The following DNAH10 variants were observed in gnomAD, a reference collection of about 807,000 sequenced individuals.
DNAH10 encodes axonemal beta dynein heavy chain 10.
DNAH10 carries 348 observed loss-of-function variants against 506.6 expected under a neutral mutation model. The ratio of observed to expected loss-of-function variants is 0.69; its 90% confidence interval spans 0.63 to 0.75. The LOEUF (loss-of-function observed/expected upper bound fraction) is 0.75. DNAH10 is among the 30% of genes least tolerant of loss of function. The pLI, the probability that DNAH10 is intolerant of heterozygous loss-of-function variation, is 0.00. For synonymous variants in DNAH10, 2,059 were observed against 2,198.6 expected (o/e 0.94, Z 1.78); for missense variants, 5,179 against 5,787.1 (o/e 0.89, Z 3.41).
In DNAH10 at chr12:123,801,319, A is replaced by G. The variant is rs751716141; in HGVS notation, c.2501A>G (p.His834Arg). The G allele has an allele frequency of 6.2e-7, 1 of 1,614,162 alleles. No individual in the cohort carries two copies. The highest frequency in any genetic ancestry group is 8.5e-7 in the Non-Finnish European group (1 of 1,180,026). Residue 834 changes from histidine to arginine, a missense_variant, in exon 16 of 79, where the codon CAC (histidine) becomes CGC (arginine). By Grantham distance (29) the His-to-Arg change is conservative (BLOSUM62 0). This residue lies in a region of DNAH10 where 4,844 missense variants were observed against 5,430.5 expected (regional missense o/e 0.89). Transcript: ENST00000673944. The stretch of plus-strand genomic sequence containing the variant: ...ATACAGCGCATGTTGGATCATTATC[A>G]CATGCTCATAGGAACGTTAAACGAT... ...AGIQRMLDHY[H>R]MLIGTLNDAE...
At position 123,808,972 on chromosome 12, in the gene DNAH10, G is replaced by C; in HGVS notation, c.3144+19G>C. On this transcript the variant is annotated intron_variant, in intron 19 of 78. Transcript: ENST00000673944. The stretch of plus-strand genomic sequence containing the variant: ...CACCAAGGTGAGAGCGGAGGTGCTT[G>C]TGTCCTTGCTCAGACGGCATCTCAG... 6.2e-7 allele frequency: 1 copy of C among 1,613,590 alleles called. No individual in the cohort carries two copies. Among genetic ancestry groups the C allele is most frequent in the Non-Finnish European group, 8.5e-7 (1 of 1,179,752 alleles).
intron 43 of DNAH10, among the ~76,000 whole-genome samples, chr12:123,869,975 C>T (rs1951963494): frequency 6.6e-6 from 1 of 152,222 alleles, no homozygotes; most frequent in African/African-American, 2.4e-5. Flanking sequence ...CCACTTCTTG[C>T]CTGTATCTGT....
intron 35 of DNAH10, among the ~76,000 whole-genome samples, chr12:123,852,989 A>G (rs1223531126): frequency 6.6e-6 from 1 of 152,188 alleles, no homozygotes; most frequent in Admixed American, 6.5e-5. Context: ...TTTTGGTAAC[A>G]CAGATGTTTC....
chr12:123,854,068 G>GTT (rs1951292584), intron 36 of DNAH10, among the ~76,000 whole-genome samples: 3 of 109,528 alleles, frequency 2.7e-5, no homozygotes, highest in South Asian at 3.0e-4. Context: ...CACACATTTG[G>GTT]GTTTTTTTTT....
intron 25 of DNAH10, among the ~76,000 whole-genome samples, chr12:123,827,213 C>T (rs746321876): frequency 7.2e-5 from 11 of 152,076 alleles, no homozygotes; most frequent in Admixed American, 1.3e-4. Context: ...AGACATCAAA[C>T]GGAACTCACA....
At chr12:123,886,517 G>A in intron 51 of DNAH10, among the ~76,000 whole-genome samples, 1 of 152,184 alleles carries the variant, frequency 6.6e-6, no homozygotes, top group Non-Finnish European at 1.5e-5. Context: ...GTGTGAGCAT[G>A]TGTTCTAGTG....
At chr12:123,862,013 A>G (rs764721993) in intron 39 of DNAH10, among the ~76,000 whole-genome samples, 6 of 152,050 alleles carry the variant, frequency 3.9e-5, no homozygotes, top group Non-Finnish European at 7.4e-5. Flanking sequence ...CGTTTTAGAG[A>G]ATGGTCTCGG....
At position 123,848,001 on chromosome 12, in the gene DNAH10, C is replaced by T; in HGVS notation, c.5855C>T (p.Ala1952Val). 2 of 1,613,874 alleles carry T rather than the reference C, an allele frequency of 1.2e-6. No individual in the cohort carries two copies. The highest frequency in any genetic ancestry group is 1.1e-5 in the South Asian group (1 of 91,076). Residue 1952 changes from alanine (A) to valine (V), a missense_variant, in exon 33 of 79, where the codon GCA becomes GTA. Around this residue, in one of 3 missense-constraint regions of DNAH10, gnomAD observed 4,844 missense variants for 5,430.5 expected, o/e 0.89. Transcript: ENST00000673944. Reference sequence around the variant, plus strand: ...CTAGGTGGGGCCCCCGCCGGCCCAGCAGGAACCGGCAAAACCGAGACCACC... The same window carrying T: ...CTAGGTGGGGCCCCCGCCGGCCCAGTAGGAACCGGCAAAACCGAGACCACC... ...MYLGGAPAGP[A>V]GTGKTETTKD...
chr12:123,809,823 C>A (rs111233055), intron 19 of DNAH10, among the ~76,000 whole-genome samples: 2 of 152,254 alleles, frequency 1.3e-5, no homozygotes, highest in Middle Eastern at 3.4e-3. Context: ...CTCAGTCCTA[C>A]GAGGATCATG....
In DNAH10 at chr12:123,909,128, C is replaced by T. The variant is rs1454254699; in HGVS notation, c.9816-133C>T. 2.4e-6 allele frequency: 3 copies of T among 1,239,186 alleles called. No homozygotes were observed. The African/African-American group carries it at 4.6e-5, about 19-fold the overall frequency. The allele number at this position is 1,239,186 out of a possible 1,614,324, so 76.8% of individuals were successfully genotyped here. A position where few individuals can be genotyped will look rare whatever the true frequency, so the allele number is the denominator to read the frequency against. On this transcript the variant is annotated intron_variant, in intron 57 of 78. Transcript: ENST00000673944. The surrounding 1 kb of genome is among the most constrained non-coding windows in gnomAD (Gnocchi z 5.4). ...GAGTGCGGTTTGTGTTGGGACCTGG[C>T]TTCTTTCGTTTGCTTGCAGCAGTAG...
intron 60 of DNAH10, 138 bp from the exon 61 acceptor site, chr12:123,914,191 C>G: frequency 1.3e-6 from 1 of 792,314 alleles, no homozygotes; most frequent in Non-Finnish European, 2.0e-6. Flanking sequence ...CTGTTCCTCA[C>G]AAGGAAAGAA....
intron 52 of DNAH10, among the ~76,000 whole-genome samples, chr12:123,888,458 A>C (rs1015755325): frequency 1.3e-5 from 2 of 152,204 alleles, no homozygotes; most frequent in Admixed American, 1.3e-4. Context: ...TCCTAAATCC[A>C]GTGACAGCTG....
Position 123,787,696 on chromosome 12 carries a change from G to C in DNAH10, c.1422-108G>C. On this transcript the variant is annotated intron_variant, in intron 9 of 78. Transcript: ENST00000673944. The surrounding 1 kb of genome is among the most constrained non-coding windows in gnomAD (Gnocchi z 4.6). Reference sequence around the variant, plus strand: ...TTCCGATGAGGCCGTGAAACCAGGGGGGGCGCCCGGGTCAGAGCTTCACGG... The same window carrying C: ...TTCCGATGAGGCCGTGAAACCAGGGCGGGCGCCCGGGTCAGAGCTTCACGG... 4.4e-6 allele frequency: 6 copies of C among 1,352,714 alleles called. No homozygotes were observed. Among genetic ancestry groups the C allele is most frequent in the East Asian group, 4.9e-5 (2 of 40,410 alleles). The allele number at this position is 1,352,714 out of a possible 1,614,324, so 83.8% of individuals were successfully genotyped here. A position where few individuals can be genotyped will look rare whatever the true frequency, so the allele number is the denominator to read the frequency against.
intron 51 of DNAH10, among the ~76,000 whole-genome samples, chr12:123,883,478 A>G (rs1309379709): frequency 4.6e-5 from 7 of 151,896 alleles, no homozygotes; most frequent in Non-Finnish European, 1.0e-4. Flanking sequence ...TCCCTCATTC[A>G]CCCTTTTCTC....
chr12:123,926,865 C>A lies in DNAH10; in HGVS notation c.12105+45C>A. ...AACAAGCTCTACGTTTAGGGGAGGT[C>A]CCTGGTGTCTGCTAAGAAGGAGCTA... On this transcript the variant is annotated intron_variant, in intron 69 of 78. Coordinates refer to ENST00000673944, the MANE Select transcript of DNAH10 (RefSeq NM_001372106.1). This position sits in a 1 kb window ranked among gnomAD's most constrained non-coding sequence, Gnocchi z 4.1. 1.3e-6 allele frequency: 2 copies of A among 1,599,704 alleles called. No individual in the cohort carries two copies. The highest frequency in any genetic ancestry group is 1.1e-5 in the South Asian group (1 of 89,588).
rs1409612184 is a variant in DNAH10 at position 123,919,483 on chromosome 12, C to T, written c.11506+534C>T. ...AGACACAATTTACATACCATAAATT[C>T]GTCCTTTAAAAATATACCATTCGGT... On this transcript the variant is annotated intron_variant, in intron 65 of 78. Coordinates refer to ENST00000673944, the MANE Select transcript of DNAH10 (RefSeq NM_001372106.1). The surrounding 1 kb of genome is among the most constrained non-coding windows in gnomAD (Gnocchi z 4.9). 2.0e-5 allele frequency among the ~76,000 whole-genome samples: 3 copies of T among 152,116 alleles called. No individual in the cohort carries two copies. The highest frequency in any genetic ancestry group is 4.4e-5 in the Non-Finnish European group (3 of 68,020).
At position 123,913,741 on chromosome 12, in the gene DNAH10, G is replaced by A. The variant is rs1480944925; in HGVS notation, c.10352+426G>A. Among the ~76,000 whole-genome samples the A allele has an allele frequency of 6.6e-6, 1 of 152,198 alleles. No individual in the cohort carries two copies. The highest frequency in any genetic ancestry group is 2.4e-5 in the African/African-American group (1 of 41,436). ...ATCCTGGGCTTCAGTCTTAAGTGAT[G>A]GGGCTGTTTGATATTTATGGGCAAG... On this transcript the variant is annotated intron_variant, in intron 60 of 78. Transcript: ENST00000673944. The surrounding 1 kb of genome is among the most constrained non-coding windows in gnomAD (Gnocchi z 5.1).
chr12:123,817,743 G>A (rs1959171863), intron 21 of DNAH10, among the ~76,000 whole-genome samples: 1 of 152,134 alleles, frequency 6.6e-6, no homozygotes, highest in African/African-American at 2.4e-5. Context: ...AACAGCCTGT[G>A]TGATAAATTG....
In DNAH10 at chr12:123,840,415, T is replaced by G. The variant is rs1159146939; in HGVS notation, c.5137-907T>G. On this transcript the variant is annotated intron_variant, in intron 29 of 78. Coordinates refer to ENST00000673944, the MANE Select transcript of DNAH10 (RefSeq NM_001372106.1). ...TCCAGTTTTTTTTTTTTTTTTTTTT[T>G]TTTTTTTCAGACAGGGCGTTGCTTT... Among the ~76,000 whole-genome samples, 12 of 142,278 alleles carry G rather than the reference T, an allele frequency of 8.4e-5. No individual in the cohort carries two copies. In the South Asian group the frequency reaches 2.9e-3, roughly 34 times the overall value. 93.3% of individuals were successfully genotyped at this position (142,278 alleles called of 152,430 possible).
Sources: gnomAD v4.1 joint callset for allele counts (sites outside exome capture counted in the v4.1 genomes callset) on GRCh38, gnomAD v4.1.1 for gene constraint, gnomAD v4.1.1 regional missense constraint, Gnocchi (gnomAD v3.1) non-coding constraint, MANE v1.5 for transcripts, NCBI Gene and HGNC (gene_info 2026-07-23, HGNC 2026-07-21) for gene names.